Variants in TMPO observed in about 807,000 individuals in gnomAD.
TMPO encodes thymopoietin.
In TMPO, 22 loss-of-function variants were observed where a neutral mutation model predicts 45.4. The ratio of observed to expected loss-of-function variants is 0.48; its 90% CI spans 0.35 to 0.69. The LOEUF (loss-of-function observed/expected upper bound fraction) is 0.69, where lower values mean the gene tolerates loss of function less well. Among genes scored for constraint, TMPO ranks in the 30% least tolerant of loss-of-function variants. TMPO has a pLI of 0.01. For synonymous variants in TMPO, 241 were observed against 204.1 expected (o/e 1.18, Z -1.54); for missense variants, 512 against 548.8 (o/e 0.93, Z 0.67).
intron 1 of TMPO, chr12:98,516,516 A>G: frequency 9.4e-7 from 1 of 1,059,390 alleles, no homozygotes; most frequent in Non-Finnish European, 1.1e-6. Context: ...AAAATGCTAT[A>G]GGTTAAGTTC....
chr12:98,533,746 T>C lies in TMPO; in HGVS notation c.565+1908T>C, dbSNP rs1877374592. ...AGAACTATCTTTTCCCTTCCATGAATCTATTTTAAAAGTAATTGAAGAAGA... is the reference window on the plus strand; with the variant it reads ...AGAACTATCTTTTCCCTTCCATGAACCTATTTTAAAAGTAATTGAAGAAGA... On this transcript the variant is annotated intron_variant, in intron 3 of 8. Coordinates refer to ENST00000556029, the MANE Select transcript of TMPO (RefSeq NM_001032283.3). 1.9e-6 allele frequency: 3 copies of C among 1,614,092 alleles called. No individual in the cohort carries two copies. The highest frequency in any genetic ancestry group is 1.3e-5 in the African/African-American group (1 of 74,936).
chr12:98,534,036 G>A lies in TMPO; in HGVS notation c.565+2198G>A, dbSNP rs774619418. On this transcript the variant is annotated intron_variant, in intron 3 of 8. Transcript: ENST00000556029. The stretch of plus-strand genomic sequence containing the variant: ...ACACTGCCTTTGTAGCTAAGGCTAT[G>A]CAGGCAGACATTAGTCAAGCTGCAC... 3.7e-6 allele frequency: 6 copies of A among 1,608,520 alleles called. No homozygotes were observed. The South Asian group carries it at 5.5e-5, about 15-fold the overall frequency.
intron 1 of TMPO, among the ~76,000 whole-genome samples, chr12:98,519,631 G>A (rs1289312705): frequency 1.3e-5 from 2 of 151,914 alleles, no homozygotes; most frequent in East Asian, 3.9e-4. Context: ...TCTTCTACCT[G>A]GAGTATTTAA....
intron 3 of TMPO, chr12:98,532,867 G>C (rs1204142846): frequency 6.2e-7 from 1 of 1,614,004 alleles, no homozygotes; most frequent in Admixed American, 1.7e-5. Context: ...TAGGGATATT[G>C]TTCCTTTTTC....
At chr12:98,518,393 G>A (rs1238549416) in intron 1 of TMPO, among the ~76,000 whole-genome samples, 1 of 151,326 alleles carries the variant, frequency 6.6e-6, no homozygotes, top group Non-Finnish European at 1.5e-5. Context: ...TTTGGCTCAC[G>A]AGAGCCTCCT....
Position 98,544,230 on chromosome 12 carries a change from A to C in TMPO, c.664A>C (p.Ser222Arg), listed in dbSNP as rs1878083509. 2 of 1,613,730 alleles carry C rather than the reference A, an allele frequency of 1.2e-6. No individual in the cohort carries two copies. The highest frequency in any genetic ancestry group is 1.7e-6 in the Non-Finnish European group (2 of 1,179,814). ...TTTTAATGTGTTGATGCTTGAATAGAGCTATTCTCAAGCTGGAATAACTGA... is the reference window on the plus strand; with the variant it reads ...TTTTAATGTGTTGATGCTTGAATAGCGCTATTCTCAAGCTGGAATAACTGA... ...LKQRRVEHNQ[S>R]YSQAGITETE... The change falls in exon 5 of 9, where the codon AGC (serine) becomes CGC (arginine). Residue 222 changes from serine (S) to arginine (R), a missense_variant and splice_region_variant. Coordinates refer to ENST00000556029, the MANE Select transcript of TMPO (RefSeq NM_001032283.3).
rs548411984 is a variant in TMPO at position 98,523,404 on chromosome 12, ATTAG to A, written c.280-4476_280-4473del. Reference sequence around the variant, plus strand: ...TCCTGTCTCTTCTAAAAATACAAAAATTAGTTAGTCGGGTATGGTGTTGCGCGCT... The same window carrying A: ...TCCTGTCTCTTCTAAAAATACAAAAATTAGTCGGGTATGGTGTTGCGCGCT... On this transcript the variant is annotated intron_variant, in intron 1 of 8. Transcript: ENST00000556029. 5.3e-4 allele frequency among the ~76,000 whole-genome samples: 81 copies of A among 152,122 alleles called. 1 individual carries two copies. Among genetic ancestry groups the A allele is most frequent in the Middle Eastern group, 3.4e-3 (1 of 294 alleles).
intron 1 of TMPO, among the ~76,000 whole-genome samples, chr12:98,521,912 T>C (rs1028063508): frequency 3.3e-5 from 5 of 152,320 alleles, no homozygotes; most frequent in African/African-American, 1.2e-4. Context: ...TTATTTTTAG[T>C]AGAGACAGTT....
At chr12:98,539,786 T>C (rs1422725137) in intron 4 of TMPO, among the ~76,000 whole-genome samples, 1 of 152,234 alleles carries the variant, frequency 6.6e-6, no homozygotes, top group African/African-American at 2.4e-5. Flanking sequence ...AAATTGCTTT[T>C]GATTTTTTTT....
At chr12:98,538,312 G>T (rs12580397) in intron 4 of TMPO, among the ~76,000 whole-genome samples, 7,226 of 152,232 alleles carry the variant, frequency 0.047, 363 homozygotes, top group East Asian at 0.23. Context: ...CTAGCTGGAT[G>T]ATTTGTCTAG....
Position 98,516,106 on chromosome 12 carries a change from G to GGGC in TMPO, c.240_242dup (p.Ala84dup). On this transcript the variant is annotated inframe_insertion, in exon 1 of 9. Coordinates refer to ENST00000556029, the MANE Select transcript of TMPO (RefSeq NM_001032283.3). ...GAGCCCACCCCGGTCCTCGGCTCTG[G>GGGC]GGCCGCCGCCGCGGGCCGGAGCCGA... 1 of 1,548,640 alleles carries GGGC rather than the reference G, an allele frequency of 6.5e-7. No homozygotes were observed. Among genetic ancestry groups the GGGC allele is most frequent in the Non-Finnish European group, 8.7e-7 (1 of 1,155,472 alleles).
chr12:98,515,872 C>T lies in TMPO; in HGVS notation c.5C>T (p.Pro2Leu), dbSNP rs1875745280. ...GGGGCTTCGCAGATCCCCGAGATGC[C>T]GGAGTTCCTGGAAGACCCCTCGGTC... M[P>L]EFLEDPSVLT... The change falls in exon 1 of 9, where the codon CCG (proline) becomes CTG (leucine). Residue 2 changes from proline to leucine, a missense_variant. Transcript: ENST00000556029. 2.5e-6 allele frequency: 4 copies of T among 1,612,948 alleles called. No homozygotes were observed. The highest frequency in any genetic ancestry group is 1.7e-5 in the Admixed American group (1 of 59,962).
intron 1 of TMPO, among the ~76,000 whole-genome samples, chr12:98,523,644 A>G (rs747549942): frequency 3.3e-5 from 5 of 151,550 alleles, no homozygotes; most frequent in East Asian, 1.9e-4. Context: ...GATGTTTTTC[A>G]TTATGTTTGA....
At chr12:98,516,451 G>C in intron 1 of TMPO, 1 of 1,148,284 alleles carries the variant, frequency 8.7e-7, no homozygotes, top group Non-Finnish European at 1.1e-6. Flanking sequence ...CGCCTGCAGC[G>C]GGCGTTTAGA....
At position 98,546,353 on chromosome 12, in the gene TMPO, T is replaced by TA. The variant is rs1351254636; in HGVS notation, c.991-5dup. On this transcript the variant is annotated splice_polypyrimidine_tract_variant and splice_region_variant and intron_variant, in intron 7 of 8. Transcript: ENST00000556029. ...TGTGGTTGTTTGTTTGTCTGTTTCT[T>TA]ATTAGGTGGGAGAAAAAACAGAGGA... is the stretch of plus-strand genomic sequence containing the variant. The TA allele has an allele frequency of 6.3e-7, 1 of 1,596,300 alleles. No homozygotes were observed. Among genetic ancestry groups the TA allele is most frequent in the East Asian group, 2.2e-5 (1 of 44,714 alleles).
intron 3 of TMPO, among the ~76,000 whole-genome samples, chr12:98,536,287 T>C (rs1018343556): frequency 1.3e-5 from 2 of 152,176 alleles, no homozygotes; most frequent in African/African-American, 4.8e-5. Context: ...CTTAAATTTT[T>C]GGTAGTAGAA....
In TMPO at chr12:98,533,234, T is replaced by C. The variant is rs886038774; in HGVS notation, c.565+1396T>C. 3 of 1,614,002 alleles carry C rather than the reference T, an allele frequency of 1.9e-6. No homozygotes were observed. Among genetic ancestry groups the C allele is most frequent in the Non-Finnish European group, 2.5e-6 (3 of 1,180,028 alleles). On this transcript the variant is annotated intron_variant, in intron 3 of 8. Coordinates refer to ENST00000556029, the MANE Select transcript of TMPO (RefSeq NM_001032283.3). Reference sequence around the variant, plus strand: ...ACCACTGGTTACTATAAAGACATAGTAGAAAATATTTGCGGTAGAGAGAAA... The same window carrying C: ...ACCACTGGTTACTATAAAGACATAGCAGAAAATATTTGCGGTAGAGAGAAA...
chr12:98,515,975 G>C lies in TMPO; in HGVS notation c.108G>C (p.Val36=), dbSNP rs532884813. The change falls in exon 1 of 9, where the codon GTG becomes GTC. Residue 36 remains valine (V), a synonymous_variant. Coordinates refer to ENST00000556029, the MANE Select transcript of TMPO (RefSeq NM_001032283.3). ...CGGCCGGGGAGCAGCGCAAAGACGTGTACGTCCAGCTCTACCTGCAGCACC... is the reference window on the plus strand; with the variant it reads ...CGGCCGGGGAGCAGCGCAAAGACGTCTACGTCCAGCTCTACCTGCAGCACC... ...TLPAGEQRKD[V]YVQLYLQHLT... 6.2e-6 allele frequency: 10 copies of C among 1,613,020 alleles called. No individual in the cohort carries two copies. The African/African-American group carries it at 1.1e-4, about 17-fold the overall frequency.
chr12:98,545,929 C>T (rs1878204228), intron 7 of TMPO, among the ~76,000 whole-genome samples: 1 of 152,146 alleles, frequency 6.6e-6, no homozygotes, highest in Non-Finnish European at 1.5e-5. Flanking sequence ...GATGGGATTT[C>T]ACTATGTTGG....
Sources: gnomAD v4.1 joint callset for allele counts (sites outside exome capture counted in the v4.1 genomes callset) on GRCh38, gnomAD v4.1.1 for gene constraint, MANE v1.5 for transcripts, NCBI Gene and HGNC (gene_info 2026-07-23, HGNC 2026-07-21) for gene names.